The following VMP1 variants were observed in gnomAD, a reference collection of about 807,000 sequenced individuals.
The protein encoded by VMP1 is ectopic P-granules autophagy protein 3 homolog.
In VMP1, 11 loss-of-function variants were observed where a neutral mutation model predicts 56.0. The observed-to-expected ratio is 0.20, with a 90% CI of 0.12 to 0.32. The LOEUF (loss-of-function observed/expected upper bound fraction) is 0.32, where lower values mean the gene tolerates loss of function less well. VMP1 is among the 10% of genes least tolerant of loss of function. VMP1 has a pLI of 1.00. For synonymous variants in VMP1, 149 were observed against 165.0 expected, an observed-to-expected ratio of 0.90 and a Z score of 0.74; for missense variants, 296 against 490.3, an observed-to-expected ratio of 0.60 and a Z score of 3.74.
At chr17:59,710,731 G>T (rs1043252782) in intron 1 of VMP1, among the ~76,000 whole-genome samples, 7 of 152,170 alleles carry the variant, frequency 4.6e-5, no homozygotes, top group Admixed American at 4.6e-4. Flanking sequence ...TGGAAATGAC[G>T]GAGGAGCCTT....
At chr17:59,836,839 TA>T (rs1380387534) in intron 10 of VMP1, among the ~76,000 whole-genome samples, 3 of 151,654 alleles carry the variant, frequency 2.0e-5, no homozygotes, top group African/African-American at 7.3e-5. Flanking sequence ...TAGCATCTGA[TA>T]AAATATAATA....
At chr17:59,802,391 T>A (rs1421614289) in intron 7 of VMP1, among the ~76,000 whole-genome samples, 1 of 151,460 alleles carries the variant, frequency 6.6e-6, no homozygotes, top group Non-Finnish European at 1.5e-5. Context: ...ATAAATACAC[T>A]GCATGATGTT....
At chr17:59,762,347 T>C (rs922843696) in intron 5 of VMP1, among the ~76,000 whole-genome samples, 1 of 152,198 alleles carries the variant, frequency 6.6e-6, no homozygotes, top group African/African-American at 2.4e-5. Context: ...CTCTTGTTTC[T>C]TTGTTTAGTA....
At position 59,810,974 on chromosome 17, in the gene VMP1, G is replaced by A. The variant is rs543088095; in HGVS notation, c.796-696G>A. 1.6e-4 allele frequency among the ~76,000 whole-genome samples: 24 copies of A among 152,248 alleles called. No homozygotes were observed. In the South Asian group the frequency reaches 4.6e-3, roughly 29 times the overall value. On this transcript the variant is annotated intron_variant, in intron 8 of 11. Transcript: ENST00000262291. ...GGAATGTTTGGGAAAGGTATTTGTT[G>A]TGAATTACTTCTTTGTCTGGGACTG...
intron 10 of VMP1, among the ~76,000 whole-genome samples, chr17:59,825,432 G>A (rs565271997): frequency 3.4e-4 from 52 of 152,122 alleles, no homozygotes; most frequent in African/African-American, 1.2e-3. Flanking sequence ...ACTTTCTCCA[G>A]TGGGAGAGAC....
intron 10 of VMP1, among the ~76,000 whole-genome samples, chr17:59,826,797 C>A (rs902882090): frequency 9.2e-5 from 14 of 152,174 alleles, no homozygotes; most frequent in Non-Finnish European, 1.8e-4. Flanking sequence ...AGTGAAGACT[C>A]CAAGATGTTT....
chr17:59,772,540 G>T (rs1052557728), intron 6 of VMP1, among the ~76,000 whole-genome samples: 1 of 151,622 alleles, frequency 6.6e-6, no homozygotes, highest in Non-Finnish European at 1.5e-5. Context: ...AGGCCGAGGC[G>T]GGTGAATCAC....
At chr17:59,784,375 G>A (rs570614073) in intron 7 of VMP1, among the ~76,000 whole-genome samples, 1 of 151,952 alleles carries the variant, frequency 6.6e-6, no homozygotes, top group African/African-American at 2.4e-5. Flanking sequence ...TTTATGTGCT[G>A]CTGGCTTCTT....
intron 5 of VMP1, among the ~76,000 whole-genome samples, chr17:59,750,181 T>C (rs1239062430): frequency 3.3e-5 from 5 of 152,226 alleles, no homozygotes. Flanking sequence ...ATATTAAATA[T>C]TAGTAAATCG....
chr17:59,792,281 C>CA (rs1393916649), intron 7 of VMP1, among the ~76,000 whole-genome samples: 1 of 151,648 alleles, frequency 6.6e-6, no homozygotes, highest in East Asian at 1.9e-4. Flanking sequence ...GTCTCAAAAT[C>CA]AAAAAAAGAT....
At chr17:59,769,171 TA>T (rs1463340990) in intron 6 of VMP1, among the ~76,000 whole-genome samples, 4 of 106,758 alleles carry the variant, frequency 3.7e-5, no homozygotes, top group Admixed American at 1.8e-4. Flanking sequence ...TTTTTTTTTT[TA>T]AAGACAGAGT....
At chr17:59,822,326 C>CTTTTTTTTT (rs774358954) in intron 10 of VMP1, among the ~76,000 whole-genome samples, 1 of 125,354 alleles carries the variant, frequency 8.0e-6, no homozygotes, top group Non-Finnish European at 1.6e-5. Context: ...GTAGGAAATA[C>CTTTTTTTTT]TTTTTTTTTT....
intron 7 of VMP1, among the ~76,000 whole-genome samples, chr17:59,801,669 C>T (rs9910609): frequency 0.045 from 6,781 of 152,046 alleles, 497 homozygotes; most frequent in African/African-American, 0.15. Context: ...CCGAGGCAGC[C>T]GGATCACCTG....
chr17:59,794,879 C>T (rs77976417), intron 7 of VMP1, among the ~76,000 whole-genome samples: 1,942 of 151,782 alleles, frequency 0.013, 44 homozygotes, highest in African/African-American at 0.043. Flanking sequence ...GTGTAAATAA[C>T]TGAACAATTT....
chr17:59,769,666 G>A (rs1363296664), intron 6 of VMP1, among the ~76,000 whole-genome samples: 1 of 152,182 alleles, frequency 6.6e-6, no homozygotes, highest in Non-Finnish European at 1.5e-5. Context: ...AAATTTGTAT[G>A]TAGTAGATGG....
chr17:59,810,027 T>G (rs1052216230), intron 8 of VMP1, among the ~76,000 whole-genome samples: 1 of 152,158 alleles, frequency 6.6e-6, no homozygotes, highest in Admixed American at 6.6e-5. Context: ...TTCCTCAAAT[T>G]TATAGATAAG....
intron 7 of VMP1, among the ~76,000 whole-genome samples, chr17:59,801,315 C>T (rs960303359): frequency 7.3e-5 from 11 of 151,384 alleles, no homozygotes; most frequent in South Asian, 2.1e-4. Context: ...GTGTGATCAC[C>T]GCCCACTGTA....
intron 3 of VMP1, among the ~76,000 whole-genome samples, chr17:59,736,402 CAAA>C (rs35085705): frequency 1.4e-5 from 2 of 141,748 alleles, no homozygotes; most frequent in African/African-American, 2.6e-5. Context: ...TACTCTGTCT[CAAA>C]AAAAAAAAAA....
At chr17:59,793,510 C>T (rs544282943) in intron 7 of VMP1, among the ~76,000 whole-genome samples, 1 of 116,944 alleles carries the variant, frequency 8.6e-6, no homozygotes, top group East Asian at 2.4e-4. Flanking sequence ...CTACAGAGTC[C>T]GTTCTTATTT....
Sources: gnomAD v4.1 joint callset for allele counts (sites outside exome capture counted in the v4.1 genomes callset) on GRCh38, gnomAD v4.1.1 for gene constraint, MANE v1.5 for transcripts, NCBI Gene and HGNC (gene_info 2026-07-23, HGNC 2026-07-21) for gene names.